The following ZFP90 variants were observed in gnomAD, a reference collection of about 807,000 sequenced individuals.
ZFP90 encodes the protein zinc finger protein 90 homolog.
A neutral mutation model predicts 60.8 loss-of-function variants in ZFP90; 38 were observed. The ratio of observed to expected loss-of-function variants is 0.62; its 90% CI spans 0.48 to 0.82. The LOEUF is 0.82. Among genes scored for constraint, ZFP90 ranks in the 40% least tolerant of loss-of-function variants. The pLI is 0.00. For synonymous variants in ZFP90, 287 were observed against 264.8 expected, an observed-to-expected ratio of 1.08 and a Z score of -0.82; for missense variants, 711 against 759.1, an observed-to-expected ratio of 0.94 and a Z score of 0.74.
downstream of ZFP90, among the ~76,000 whole-genome samples, chr16:68,568,336 A>T (rs2091549623): frequency 6.6e-6 from 1 of 152,258 alleles, no homozygotes; most frequent in African/African-American, 2.4e-5. Flanking sequence ...TCAATCTTGA[A>T]GTCAGAATAT....
At chr16:68,546,951 GC>G (rs1283276562) in intron 2 of ZFP90, among the ~76,000 whole-genome samples, 1 of 152,132 alleles carries the variant, frequency 6.6e-6, no homozygotes, top group Non-Finnish European at 1.5e-5. Flanking sequence ...CCTTTCTAAG[GC>G]TAAATACAAT....
downstream of ZFP90, among the ~76,000 whole-genome samples, chr16:68,572,012 A>C (rs1402620830): frequency 6.6e-6 from 1 of 152,058 alleles, no homozygotes; most frequent in African/African-American, 2.4e-5. Flanking sequence ...TTTTGGAAAA[A>C]CATACTTTTT....
At chr16:68,557,149 G>T (rs1427907058) in intron 2 of ZFP90, 1 of 453,306 alleles carries the variant, frequency 2.2e-6, no homozygotes, top group Non-Finnish European at 4.4e-6. Context: ...CACCATGCCA[G>T]GCTAATTTTT....
intron 2 of ZFP90, among the ~76,000 whole-genome samples, chr16:68,551,545 C>A (rs1341862102): frequency 6.6e-6 from 1 of 151,366 alleles, no homozygotes; most frequent in Non-Finnish European, 1.5e-5. Context: ...GCCTCAGCCT[C>A]CCAAGTAGCT....
intron 2 of ZFP90, among the ~76,000 whole-genome samples, chr16:68,547,985 G>C (rs1459526208): frequency 1.3e-5 from 2 of 151,942 alleles, no homozygotes; most frequent in African/African-American, 4.8e-5. Context: ...GTACCACCAT[G>C]TCTGGCTAGT....
At chr16:68,548,561 G>C (rs2091197765) in intron 2 of ZFP90, among the ~76,000 whole-genome samples, 2 of 133,474 alleles carry the variant, frequency 1.5e-5, no homozygotes, top group African/African-American at 2.9e-5. Context: ...CGCAATCTCG[G>C]CTCACCGCTA....
intron 2 of ZFP90, among the ~76,000 whole-genome samples, chr16:68,540,138 G>T (rs1436260897): frequency 6.6e-6 from 1 of 152,096 alleles, no homozygotes; most frequent in African/African-American, 2.4e-5. Flanking sequence ...AATAAGAAAT[G>T]GAGAGAGTGG....
chr16:68,560,887 C>T (rs551110767), intron 4 of ZFP90, among the ~76,000 whole-genome samples: 189 of 145,210 alleles, frequency 1.3e-3, no homozygotes, highest in Middle Eastern at 0.011. Flanking sequence ...GCTTTATCTT[C>T]TTTTTTTTTT....
intron 2 of ZFP90, among the ~76,000 whole-genome samples, chr16:68,540,138 GGA>G (rs1341012916): frequency 4.0e-4 from 61 of 152,094 alleles, no homozygotes; most frequent in Non-Finnish European, 1.0e-4. Context: ...AATAAGAAAT[GGA>G]GAGAGTGGGG....
Position 68,543,104 on chromosome 16 carries a change from G to T in ZFP90, c.33+3279G>T, listed in dbSNP as rs546460467. ...GGGTAAGCCTTATCCTTATTGAGATGGTGACACCTGAGCAGACTTGAAGGC... is the reference window on the plus strand; with the variant it reads ...GGGTAAGCCTTATCCTTATTGAGATTGTGACACCTGAGCAGACTTGAAGGC... On this transcript the variant is annotated intron_variant, in intron 2 of 4. Transcript: ENST00000563169. Among the ~76,000 whole-genome samples the T allele has an allele frequency of 1.1e-4, 16 of 152,206 alleles. No individual in the cohort carries two copies. The South Asian group carries it at 3.3e-3, about 32-fold the overall frequency.
At chr16:68,558,635 T>A in intron 4 of ZFP90, 67 bp downstream of exon 4, 1 of 1,307,866 alleles carries the variant, frequency 7.6e-7, no homozygotes, top group Non-Finnish European at 1.1e-6. Flanking sequence ...GAGGGGGAGA[T>A]ACCCTCCAGC....
intron 1 of ZFP90, 80 bp from the exon 2 acceptor site, chr16:68,539,677 TA>T: frequency 1.2e-6 from 1 of 839,556 alleles, no homozygotes. Context: ...AGATGTGGTT[TA>T]GGGGCGGAGG....
upstream of ZFP90, among the ~76,000 whole-genome samples, chr16:68,536,137 C>T (rs573574367): frequency 8.5e-5 from 13 of 152,306 alleles, no homozygotes; most frequent in South Asian, 2.5e-3. Flanking sequence ...TTACAAACAG[C>T]GTTGTTCTCT....
chr16:68,561,610 C>G (rs1307551896), intron 4 of ZFP90, among the ~76,000 whole-genome samples: 3 of 152,064 alleles, frequency 2.0e-5, no homozygotes, highest in Admixed American at 6.6e-5. Flanking sequence ...TCTTCAAGCT[C>G]TGTTTATTAT....
intron 2 of ZFP90, among the ~76,000 whole-genome samples, chr16:68,540,808 C>CAAAAAAAAAA (rs35122186): frequency 2.2e-5 from 2 of 92,660 alleles, no homozygotes; most frequent in African/African-American, 9.0e-5. Context: ...TCCGTCTCTG[C>CAAAAAAAAAA]AAAAAAAAAA....
At chr16:68,576,040 TAA>T (rs34731750) in exon 3 of ZFP90, 47,149 of 274,800 alleles carry the variant, frequency 0.17, 291 homozygotes, top group Middle Eastern at 0.22. Context: ...AACATTTATT[TAA>T]AAAAAAAAAA....
chr16:68,561,981 T>C (rs143496792), intron 4 of ZFP90: 19 of 152,218 alleles, frequency 1.2e-4, no homozygotes, highest in African/African-American at 4.6e-4. Flanking sequence ...GTTAACATGT[T>C]ATTTTATTTG....
intron 2 of ZFP90, among the ~76,000 whole-genome samples, chr16:68,541,505 A>C (rs962609670): frequency 6.7e-6 from 1 of 149,804 alleles, no homozygotes; most frequent in Admixed American, 6.6e-5. Context: ...ATTTTTAGTA[A>C]AGATGGGGTT....
rs2091510785 is a variant in ZFP90, at chr16:68,565,467, T to C, written c.*769T>C. On this transcript the variant is annotated 3_prime_UTR_variant, in exon 5 of 5. Transcript: ENST00000563169. ...GTATGCAAATTTATCACAAACTATT[T>C]AAAGCAACTTCTTGGAGGCTTACAA... The C allele has an allele frequency of 1.0e-6, 1 of 985,562 alleles. No homozygotes were observed. Among genetic ancestry groups the C allele is most frequent in the Middle Eastern group, 5.2e-4 (1 of 1,914 alleles). 61.1% of individuals were successfully genotyped at this position (985,562 alleles called of 1,614,324 possible).
Sources: allele counts gnomAD v4.1 joint callset (sites outside exome capture counted in the v4.1 genomes callset), GRCh38; gene constraint gnomAD v4.1.1; transcripts MANE v1.5; gene names NCBI Gene and HGNC (gene_info 2026-07-23, HGNC 2026-07-21).